The following CSMD1 variants were observed in gnomAD, a reference collection of about 807,000 sequenced individuals.
CSMD1 encodes CUB and Sushi multiple domains 1.
A neutral mutation model predicts 417.5 loss-of-function variants in CSMD1; 213 were observed. That is an observed-to-expected ratio of 0.51 (90% CI 0.46 to 0.57). The LOEUF (loss-of-function observed/expected upper bound fraction) is 0.57. Among genes scored for constraint, CSMD1 ranks in the 20% least tolerant of loss-of-function variants. CSMD1 has a pLI of 0.00. For synonymous variants in CSMD1, 2,862 were observed against 1,736.8 expected (o/e 1.65, Z -16.11); for missense variants, 6,923 against 4,529.7 (o/e 1.53, Z -15.17).
chr8:4,055,753 T>A (rs1316176562), intron 3 of CSMD1, among the ~76,000 whole-genome samples: 1 of 152,134 alleles, frequency 6.6e-6, no homozygotes, highest in Admixed American at 6.6e-5. Context: ...CAGAATGACT[T>A]GACTAGATAC....
chr8:3,404,450 T>A (rs1057288359), intron 15 of CSMD1, among the ~76,000 whole-genome samples: 1 of 151,984 alleles, frequency 6.6e-6, no homozygotes, highest in East Asian at 1.9e-4. Flanking sequence ...CACCATACTG[T>A]GGTTGTCATG....
chr8:4,460,421 G>T lies in CSMD1; in HGVS notation c.303-40356C>A, dbSNP rs73660866. On this transcript the variant is annotated intron_variant, in intron 2 of 69. Coordinates refer to ENST00000635120, the MANE Select transcript of CSMD1 (RefSeq NM_033225.6). The stretch of plus-strand genomic sequence containing the variant: ...AAATAGCCTCACCTTCCACCTCACT[G>T]TCCTGGAAAAAGTACAAGCTAAACT... 3.5e-3 allele frequency among the ~76,000 whole-genome samples: 529 copies of T among 152,124 alleles called. 4 individuals carry two copies. Among genetic ancestry groups the T allele is most frequent in the African/African-American group, 0.012 (507 of 41,508 alleles).
At chr8:4,499,278 C>A (rs1011024101) in intron 2 of CSMD1, among the ~76,000 whole-genome samples, 1 of 152,032 alleles carries the variant, frequency 6.6e-6, no homozygotes. Context: ...AGAAAGCAGC[C>A]CAGGTAAAAG....
Position 3,393,493 on chromosome 8 carries a change from T to C in CSMD1, c.2593+2701A>G, listed in dbSNP as rs78268990. Among the ~76,000 whole-genome samples the C allele has an allele frequency of 3.3e-5, 5 of 152,166 alleles. No homozygotes were observed. The East Asian group carries it at 9.6e-4, about 29-fold the overall frequency. Reference sequence around the variant, plus strand: ...GGAGAGAAAGAAAAATGGCATTTTTTTCATGTGTCTGTTGGCTGCATAAAT... The same window carrying C: ...GGAGAGAAAGAAAAATGGCATTTTTCTCATGTGTCTGTTGGCTGCATAAAT... On this transcript the variant is annotated intron_variant, in intron 17 of 69. Coordinates refer to ENST00000635120, the MANE Select transcript of CSMD1 (RefSeq NM_033225.6).
At chr8:3,401,177 AT>A (rs1209034582) in intron 15 of CSMD1, among the ~76,000 whole-genome samples, 2 of 152,022 alleles carry the variant, frequency 1.3e-5, no homozygotes, top group Admixed American at 1.3e-4. Flanking sequence ...CAAAGATACT[AT>A]ATAAGAAAGA....
intron 6 of CSMD1, among the ~76,000 whole-genome samples, chr8:3,733,628 T>C (rs1042498056): frequency 6.6e-6 from 1 of 152,090 alleles, no homozygotes; most frequent in Non-Finnish European, 1.5e-5. Context: ...CGGTCCCGAA[T>C]CATTCCTCTG....
chr8:3,819,799 C>A (rs1235949715), intron 5 of CSMD1, among the ~76,000 whole-genome samples: 1 of 152,042 alleles, frequency 6.6e-6, no homozygotes, highest in Non-Finnish European at 1.5e-5. Flanking sequence ...TTTTGCCTGG[C>A]CTCCCAAAGT....
chr8:4,572,535 T>C (rs1798939672), intron 2 of CSMD1, among the ~76,000 whole-genome samples: 1 of 152,176 alleles, frequency 6.6e-6, no homozygotes, highest in Non-Finnish European at 1.5e-5. Flanking sequence ...CCTTTCTCTC[T>C]AGCTGCCCTT....
At chr8:3,864,954 C>G (rs1437648081) in intron 5 of CSMD1, among the ~76,000 whole-genome samples, 2 of 152,194 alleles carry the variant, frequency 1.3e-5, no homozygotes, top group Admixed American at 1.3e-4. Flanking sequence ...GAACGAGCAG[C>G]TTTTCCTTCC....
At chr8:4,202,621 G>A (rs1274802113) in intron 3 of CSMD1, among the ~76,000 whole-genome samples, 5 of 152,142 alleles carry the variant, frequency 3.3e-5, no homozygotes, top group Admixed American at 6.5e-5. Flanking sequence ...GTATCATGGT[G>A]GATATTGTAA....
At chr8:4,466,520 A>G (rs1800180178) in intron 2 of CSMD1, among the ~76,000 whole-genome samples, 1 of 152,206 alleles carries the variant, frequency 6.6e-6, no homozygotes, top group African/African-American at 2.4e-5. Context: ...TTTAGAAGGC[A>G]ATGGAAAGCT....
chr8:3,562,232 T>A (rs1799498215), intron 10 of CSMD1, among the ~76,000 whole-genome samples: 1 of 152,202 alleles, frequency 6.6e-6, no homozygotes, highest in African/African-American at 2.4e-5. Flanking sequence ...ATTTGTATCA[T>A]ACTTGTTAAA....
chr8:3,661,346 G>C (rs990514771), intron 7 of CSMD1, among the ~76,000 whole-genome samples: 5 of 152,102 alleles, frequency 3.3e-5, no homozygotes, highest in African/African-American at 9.7e-5. Context: ...CAATCCAGCT[G>C]TTTCTCCACC....
At chr8:3,286,512 C>G (rs982671711) in intron 25 of CSMD1, among the ~76,000 whole-genome samples, 1 of 151,874 alleles carries the variant, frequency 6.6e-6, no homozygotes, top group Admixed American at 6.6e-5. Context: ...TGTTAATGAT[C>G]GCCATTCTAA....
chr8:4,260,848 T>C (rs1051295497), intron 3 of CSMD1, among the ~76,000 whole-genome samples: 30 of 152,180 alleles, frequency 2.0e-4, no homozygotes, highest in African/African-American at 7.2e-4. Flanking sequence ...CCAATAATTG[T>C]TTTTTGTTAG....
intron 3 of CSMD1, among the ~76,000 whole-genome samples, chr8:4,075,852 A>T (rs1346864476): frequency 5.9e-5 from 9 of 152,166 alleles, no homozygotes; most frequent in Admixed American, 5.9e-4. Context: ...TATTGTCCTC[A>T]GGGAGCCAGT....
chr8:4,011,245 G>C (rs17068532), intron 4 of CSMD1, among the ~76,000 whole-genome samples: 16,884 of 152,064 alleles, frequency 0.11, 1,114 homozygotes, highest in South Asian at 0.23. Context: ...TTTAAGCCAC[G>C]ACTTTACCAG....
At position 4,031,913 on chromosome 8, in the gene CSMD1, A is replaced by C. The variant is rs755149307; in HGVS notation, c.602T>G (p.Phe201Cys). The change falls in exon 4 of 70, where the codon TTT (phenylalanine) becomes TGT (cysteine). Residue 201 changes from phenylalanine to cysteine, a missense_variant. By Grantham distance (205) the Phe-to-Cys change is radical. Coordinates refer to ENST00000635120, the MANE Select transcript of CSMD1 (RefSeq NM_033225.6). Reference sequence around the variant, plus strand: ...CCCTTGTAGCACTGTACCTCTGCAAAAGGGAGCTGGGAAGTCCCACGATGC... The same window carrying C: ...CCCTTGTAGCACTGTACCTCTGCAACAGGGAGCTGGGAAGTCCCACGATGC... ...NGASWDFPAP[F>C]CRAEGACGGT... 1.2e-6 allele frequency: 2 copies of C among 1,612,992 alleles called. No individual in the cohort carries two copies. The highest frequency in any genetic ancestry group is 2.2e-5 in the East Asian group (1 of 44,860).
chr8:3,699,968 C>T (rs1800763573), intron 7 of CSMD1, among the ~76,000 whole-genome samples: 1 of 143,010 alleles, frequency 7.0e-6, no homozygotes, highest in Non-Finnish European at 1.6e-5. Context: ...TAACTACATC[C>T]CTGGGTTATT....
Sources: allele counts gnomAD v4.1 joint callset (sites outside exome capture counted in the v4.1 genomes callset), GRCh38; gene constraint gnomAD v4.1.1; transcripts MANE v1.5; gene names NCBI Gene and HGNC (gene_info 2026-07-23, HGNC 2026-07-21).